Variants in TPST1 observed in about 807,000 individuals in gnomAD.
The protein encoded by TPST1 is protein-tyrosine sulfotransferase 1.
A neutral mutation model predicts 34.8 loss-of-function variants in TPST1; 20 were observed. That is an observed-to-expected ratio of 0.57 (90% CI 0.40 to 0.84). TPST1 has a LOEUF of 0.84. TPST1 is among the 40% of genes least tolerant of loss of function. The probability of loss-of-function intolerance (pLI) is 0.00; values close to 1 mark genes in which losing one functional copy is unlikely to be tolerated. For synonymous variants in TPST1, 152 were observed against 159.4 expected, an observed-to-expected ratio of 0.95 and a Z score of 0.35; for missense variants, 353 against 455.5, an observed-to-expected ratio of 0.78 and a Z score of 2.05.
chr7:66,307,006 G>A (rs1475695529), intron 3 of TPST1, among the ~76,000 whole-genome samples: 2 of 152,174 alleles, frequency 1.3e-5, no homozygotes, highest in East Asian at 1.9e-4. Context: ...GTGAGCCACC[G>A]CGCCTGGCCC....
At chr7:66,346,170 A>G (rs1044611170) in intron 3 of TPST1, among the ~76,000 whole-genome samples, 1 of 129,734 alleles carries the variant, frequency 7.7e-6, no homozygotes, top group Middle Eastern at 3.4e-3. Flanking sequence ...ATTCTTTTCT[A>G]TGGCTGAATA....
At chr7:66,252,592 C>T (rs1042493141) in intron 2 of TPST1, among the ~76,000 whole-genome samples, 2 of 152,144 alleles carry the variant, frequency 1.3e-5, no homozygotes, top group African/African-American at 4.8e-5. Context: ...CTCGGCCTCC[C>T]AAAGTGCTGG....
At chr7:66,313,303 T>A (rs1338318018) in intron 3 of TPST1, among the ~76,000 whole-genome samples, 1 of 152,042 alleles carries the variant, frequency 6.6e-6, no homozygotes, top group Admixed American at 6.5e-5. Context: ...TAATCCCAGC[T>A]ACTCGGGAGG....
intron 3 of TPST1, among the ~76,000 whole-genome samples, chr7:66,352,190 C>T (rs906046884): frequency 8.5e-5 from 13 of 152,192 alleles, no homozygotes; most frequent in Non-Finnish European, 1.9e-4. Flanking sequence ...TTGCCTAGGG[C>T]TTGCTTCCTC....
At chr7:66,299,303 T>TG (rs1791264685) in intron 3 of TPST1, among the ~76,000 whole-genome samples, 3 of 151,536 alleles carry the variant, frequency 2.0e-5, no homozygotes, top group African/African-American at 7.2e-5. Flanking sequence ...TCTTAGGTTT[T>TG]TTTTTTTTTT....
chr7:66,204,053 T>G (rs1789070382), upstream of TPST1, among the ~76,000 whole-genome samples: 1 of 151,872 alleles, frequency 6.6e-6, no homozygotes, highest in Non-Finnish European at 1.5e-5. Context: ...GGCACATGCA[T>G]GTAATTCTAG....
chr7:66,229,696 G>A (rs1459087704), intron 1 of TPST1, among the ~76,000 whole-genome samples: 2 of 152,140 alleles, frequency 1.3e-5, no homozygotes, highest in African/African-American at 4.8e-5. Flanking sequence ...ATTGGACTCT[G>A]CGAAACTCTT....
chr7:66,227,426 T>G (rs909706423), intron 1 of TPST1, among the ~76,000 whole-genome samples: 41 of 152,084 alleles, frequency 2.7e-4, no homozygotes, highest in African/African-American at 6.0e-4. Context: ...AATTAATTAA[T>G]TTAGTTAGTT....
upstream of TPST1, among the ~76,000 whole-genome samples, chr7:66,200,947 C>G (rs185884117): frequency 6.6e-6 from 1 of 151,950 alleles, no homozygotes; most frequent in Non-Finnish European, 1.5e-5. Flanking sequence ...AGGCTGGTCT[C>G]GAACTACTGA....
At chr7:66,302,503 G>C (rs1234167232) in intron 3 of TPST1, among the ~76,000 whole-genome samples, 1 of 152,154 alleles carries the variant, frequency 6.6e-6, no homozygotes, top group Non-Finnish European at 1.5e-5. Context: ...GTCAGGTCAA[G>C]AGATTTGTTT....
intron 1 of TPST1, among the ~76,000 whole-genome samples, chr7:66,220,770 T>C (rs1789526784): frequency 1.3e-5 from 2 of 152,166 alleles, no homozygotes; most frequent in Admixed American, 1.3e-4. Context: ...CTTAATTTTT[T>C]TGAAAAAAGT....
rs141867402 is a variant in TPST1, at chr7:66,247,651, AT to A, written c.845+6383del. On this transcript the variant is annotated intron_variant, in intron 2 of 5. Transcript: ENST00000304842. ...CGCATTTAGTTTTGACTTAGGGAAT[AT>A]TGTGCTCCCTGGGTGACCCATGGTT... Among the ~76,000 whole-genome samples the A allele has an allele frequency of 4.0e-3, 613 of 152,264 alleles. 3 individuals carry two copies. The highest frequency in any genetic ancestry group is 0.014 in the African/African-American group (580 of 41,542).
At chr7:66,314,316 CTT>C (rs1791591382) in intron 3 of TPST1, among the ~76,000 whole-genome samples, 1 of 152,188 alleles carries the variant, frequency 6.6e-6, no homozygotes, top group Non-Finnish European at 1.5e-5. Flanking sequence ...AGGAGGATCG[CTT>C]AAGCCCAGGA....
chr7:66,298,107 C>G (rs1298677131), intron 3 of TPST1, among the ~76,000 whole-genome samples: 3 of 152,024 alleles, frequency 2.0e-5, no homozygotes, highest in Admixed American at 6.6e-5. Context: ...TGTTTTATGG[C>G]CAGTATATGG....
intron 2 of TPST1, among the ~76,000 whole-genome samples, chr7:66,248,597 G>A (rs1338759155): frequency 6.9e-6 from 1 of 145,812 alleles, no homozygotes; most frequent in African/African-American, 2.5e-5. Flanking sequence ...TCTGCCTCAC[G>A]AGTTCAAGTG....
At chr7:66,221,280 G>T (rs764079196) in intron 1 of TPST1, among the ~76,000 whole-genome samples, 2 of 152,068 alleles carry the variant, frequency 1.3e-5, no homozygotes, top group Non-Finnish European at 2.9e-5. Flanking sequence ...GTAATTATCA[G>T]CAGGGAAAAA....
chr7:66,328,884 C>CTATA (rs1562847162), intron 3 of TPST1, among the ~76,000 whole-genome samples: 68 of 29,408 alleles, frequency 2.3e-3, no homozygotes, highest in Non-Finnish European at 2.6e-3. Flanking sequence ...CTCTCTCTCT[C>CTATA]TCTATATATA....
At chr7:66,297,442 T>TG (rs1791224724) in intron 3 of TPST1, among the ~76,000 whole-genome samples, 1 of 152,202 alleles carries the variant, frequency 6.6e-6, no homozygotes, top group Non-Finnish European at 1.5e-5. Context: ...CATCTATACT[T>TG]GCGGTACCTA....
At chr7:66,256,790 C>T (rs1414913506) in intron 2 of TPST1, among the ~76,000 whole-genome samples, 1 of 152,144 alleles carries the variant, frequency 6.6e-6, no homozygotes, top group South Asian at 2.1e-4. Flanking sequence ...TTCCAGCCTG[C>T]CCTGTGGCCC....
Sources: gnomAD v4.1 joint callset for allele counts (sites outside exome capture counted in the v4.1 genomes callset) on GRCh38, gnomAD v4.1.1 for gene constraint, MANE v1.5 for transcripts, NCBI Gene and HGNC (gene_info 2026-07-23, HGNC 2026-07-21) for gene names.